The following ELP4 variants were observed in gnomAD, a reference collection of about 807,000 sequenced individuals.
ELP4 encodes elongator complex protein 4.
In ELP4, 51 loss-of-function variants were observed where a neutral mutation model predicts 48.9. The ratio of observed to expected loss-of-function variants is 1.04; its 90% CI spans 0.83 to 1.32. The LOEUF (loss-of-function observed/expected upper bound fraction) is 1.32. Among genes scored for constraint, ELP4 ranks in the 40% most tolerant of loss-of-function variants. The probability of loss-of-function intolerance (pLI) is 0.00; values close to 1 mark genes in which losing one functional copy is unlikely to be tolerated. For missense variants in ELP4, 519 were observed against 514.6 expected, an observed-to-expected ratio of 1.01 and a Z score of -0.08; for synonymous variants, 210 against 189.2, an observed-to-expected ratio of 1.11 and a Z score of -0.90.
intron 9 of ELP4, among the ~76,000 whole-genome samples, chr11:31,744,262 C>T (rs1451153033): frequency 1.3e-5 from 2 of 152,032 alleles, no homozygotes; most frequent in Non-Finnish European, 2.9e-5. Context: ...AGCTTACCAA[C>T]CAAAAAAAGC....
chr11:31,604,013 T>C, intron 5 of ELP4, 106 bp downstream of exon 5: 1 of 765,682 alleles, frequency 1.3e-6, no homozygotes, highest in Non-Finnish European at 1.9e-6. Flanking sequence ...AATATCATAA[T>C]AATAAATATT....
At chr11:31,776,942 G>GGGAC (rs1948260376) in intron 9 of ELP4, among the ~76,000 whole-genome samples, 1 of 152,076 alleles carries the variant, frequency 6.6e-6, no homozygotes, top group South Asian at 2.1e-4. Context: ...GCTACCAAAT[G>GGGAC]TACACTTGCC....
chr11:31,544,363 C>A (rs187182525), intron 3 of ELP4, among the ~76,000 whole-genome samples: 1 of 152,192 alleles, frequency 6.6e-6, no homozygotes, highest in South Asian at 2.1e-4. Flanking sequence ...GCACCTGGCT[C>A]GGAGGGTCCT....
In ELP4 at chr11:31,788,932, T is replaced by C. The variant is rs1287495450; in HGVS notation, c.*5408T>C. The C allele has an allele frequency of 5.0e-6, 1 of 200,550 alleles. No homozygotes were observed. The highest frequency in any genetic ancestry group is 1.0e-5 in the Non-Finnish European group (1 of 97,090). The allele number at this position is 200,550 out of a possible 1,614,324, so 12.4% of individuals were successfully genotyped here. ...CTATAAGGTTAAAAAGAAAACTGTA[T>C]AATAAAGGAAATACAAAGGCTTTGG... On this transcript the variant is annotated 3_prime_UTR_variant, in exon 10 of 10. Coordinates refer to ENST00000640961, the MANE Select transcript of ELP4 (RefSeq NM_019040.5).
At chr11:31,638,813 C>G (rs1413838768) in intron 7 of ELP4, among the ~76,000 whole-genome samples, 1 of 151,862 alleles carries the variant, frequency 6.6e-6, no homozygotes, top group Non-Finnish European at 1.5e-5. Flanking sequence ...CGCTTTAGAA[C>G]TAACCACTAA....
At chr11:31,731,567 G>GGGGTGT (rs1554974418) in intron 9 of ELP4, among the ~76,000 whole-genome samples, 8 of 142,760 alleles carry the variant, frequency 5.6e-5, no homozygotes, top group Non-Finnish European at 1.1e-4. Context: ...CCATTAAGCA[G>GGGGTGT]GTGTGTGTGT....
intron 2 of ELP4, among the ~76,000 whole-genome samples, chr11:31,536,200 TA>T (rs149504940): frequency 0.027 from 4,048 of 148,530 alleles, 169 homozygotes; most frequent in African/African-American, 0.093. Context: ...TTTTGGCTAT[TA>T]AAAAAAAAAG....
At chr11:31,742,713 C>A (rs1947482996) in intron 9 of ELP4, among the ~76,000 whole-genome samples, 1 of 152,122 alleles carries the variant, frequency 6.6e-6, no homozygotes, top group Non-Finnish European at 1.5e-5. Flanking sequence ...GAGATTTTGT[C>A]ACCACCAGGC....
chr11:31,598,958 T>A (rs2133995655), intron 4 of ELP4: 1 of 152,354 alleles, frequency 6.6e-6, no homozygotes, highest in South Asian at 2.1e-4. Context: ...TTTGTCGCTG[T>A]AAATGAGATA....
At chr11:31,666,903 C>T (rs1945692968) in intron 9 of ELP4, among the ~76,000 whole-genome samples, 1 of 151,974 alleles carries the variant, frequency 6.6e-6, no homozygotes, top group African/African-American at 2.4e-5. Context: ...AAAAGACTTA[C>T]TAATGCCCTG....
chr11:31,670,146 C>T (rs1367464268), intron 9 of ELP4, among the ~76,000 whole-genome samples: 1 of 152,062 alleles, frequency 6.6e-6, no homozygotes, highest in Admixed American at 6.6e-5. Context: ...AATTTAAATG[C>T]ATTTTTTAGC....
At chr11:31,667,417 T>TTA in intron 9 of ELP4, among the ~76,000 whole-genome samples, 1 of 152,310 alleles carries the variant, frequency 6.6e-6, no homozygotes, top group East Asian at 1.9e-4. Flanking sequence ...TTTTGGAAGT[T>TTA]TATGGAAATT....
intron 9 of ELP4, among the ~76,000 whole-genome samples, chr11:31,694,829 A>G (rs1385080364): frequency 1.3e-5 from 2 of 151,924 alleles, no homozygotes; most frequent in African/African-American, 4.8e-5. Context: ...ATCCTTTTTT[A>G]TTTCATTGAG....
chr11:31,782,096 G>A (rs1485257515), intron 9 of ELP4, among the ~76,000 whole-genome samples: 1 of 151,980 alleles, frequency 6.6e-6, no homozygotes. Context: ...TTTTATCCTA[G>A]ATATATTTGT....
At chr11:31,559,821 T>A (rs1189721177) in intron 3 of ELP4, among the ~76,000 whole-genome samples, 2 of 151,252 alleles carry the variant, frequency 1.3e-5, no homozygotes, top group Non-Finnish European at 2.9e-5. Flanking sequence ...GAGAGTTGCT[T>A]GAATCCAGGA....
chr11:31,758,309 G>A (rs1438296609), intron 9 of ELP4, among the ~76,000 whole-genome samples: 1 of 152,020 alleles, frequency 6.6e-6, no homozygotes, highest in African/African-American at 2.4e-5. Flanking sequence ...TTAATTTGTG[G>A]GTCACACTCA....
chr11:31,525,481 C>G (rs1279883399), intron 2 of ELP4, among the ~76,000 whole-genome samples: 1 of 152,026 alleles, frequency 6.6e-6, no homozygotes, highest in East Asian at 1.9e-4. Context: ...TAAATTGAAT[C>G]AAAGTATGGG....
intron 9 of ELP4, among the ~76,000 whole-genome samples, chr11:31,725,056 G>A (rs536911531): frequency 3.9e-5 from 6 of 152,324 alleles, no homozygotes; most frequent in African/African-American, 1.4e-4. Context: ...AGGGGAAAAA[G>A]AGTGGGAATA....
intron 9 of ELP4, among the ~76,000 whole-genome samples, chr11:31,678,403 C>T (rs1945975663): frequency 6.6e-6 from 1 of 152,052 alleles, no homozygotes; most frequent in Admixed American, 6.6e-5. Context: ...GAACCGTGGT[C>T]GCACACCACT....
Sources: allele counts gnomAD v4.1 joint callset (sites outside exome capture counted in the v4.1 genomes callset), GRCh38; gene constraint gnomAD v4.1.1; transcripts MANE v1.5; gene names NCBI Gene and HGNC (gene_info 2026-07-23, HGNC 2026-07-21).